Variants in PTPN1 observed in about 807,000 individuals in gnomAD.
The protein encoded by PTPN1 is tyrosine-protein phosphatase non-receptor type 1.
PTPN1 carries 12 observed loss-of-function variants against 59.9 expected under a neutral mutation model. The ratio of observed to expected loss-of-function variants is 0.20; its 90% CI spans 0.13 to 0.32. PTPN1 has a LOEUF of 0.32. Ranked by LOEUF, PTPN1 falls within the 10% of genes least tolerant of loss-of-function variation. PTPN1 has a pLI of 1.00. For missense variants in PTPN1, 356 were observed against 549.2 expected (o/e 0.65, Z 3.52); for synonymous variants, 178 against 203.6 (o/e 0.87, Z 1.07).
At chr20:50,563,945 AAAACT>A (rs1245898190) in intron 2 of PTPN1, among the ~76,000 whole-genome samples, 2 of 152,222 alleles carry the variant, frequency 1.3e-5, no homozygotes, top group Non-Finnish European at 2.9e-5. Flanking sequence ...TTTATTTCTA[AAAACT>A]AAAAGGTAAA....
intron 5 of PTPN1, chr20:50,577,716 C>T (rs943793959): frequency 6.6e-6 from 1 of 152,432 alleles, no homozygotes; most frequent in Admixed American, 6.5e-5. Context: ...AACGTGTCTG[C>T]AGCAGGCTCT....
intron 1 of PTPN1, among the ~76,000 whole-genome samples, chr20:50,523,172 C>A (rs550178836): frequency 5.3e-5 from 8 of 152,152 alleles, no homozygotes; most frequent in Non-Finnish European, 1.0e-4. Context: ...GAGGAATGTT[C>A]CAGATTAGGG....
At chr20:50,560,739 TAAAC>T (rs140324762) in intron 1 of PTPN1, among the ~76,000 whole-genome samples, 13 of 152,172 alleles carry the variant, frequency 8.5e-5, no homozygotes, top group South Asian at 4.1e-4. Context: ...TTTTTAGTAA[TAAAC>T]AATATAAAAT....
chr20:50,561,053 C>G (rs929579266), intron 1 of PTPN1, among the ~76,000 whole-genome samples: 2 of 152,222 alleles, frequency 1.3e-5, no homozygotes, highest in Admixed American at 6.5e-5. Context: ...ACTGCCCACT[C>G]ACTGTTCCTG....
rs762612987 is a variant in PTPN1, at chr20:50,554,725, CTAT to C, written c.64-6633_64-6631del. 3.9e-5 allele frequency among the ~76,000 whole-genome samples: 6 copies of C among 152,130 alleles called. No individual in the cohort carries two copies. In the East Asian group the frequency reaches 1.2e-3, roughly 29 times the overall value. On this transcript the variant is annotated intron_variant, in intron 1 of 9. Coordinates refer to ENST00000371621, the MANE Select transcript of PTPN1 (RefSeq NM_002827.4). ...GTTGTCGTATTTTTGGTAAAATGCACTATTATTTGAAAGTAGACCATCGTGAAT... is the reference window on the plus strand; with the variant it reads ...GTTGTCGTATTTTTGGTAAAATGCACTATTTGAAAGTAGACCATCGTGAAT...
intron 1 of PTPN1, among the ~76,000 whole-genome samples, chr20:50,533,345 A>G (rs2082609581): frequency 6.6e-6 from 1 of 152,064 alleles, no homozygotes; most frequent in South Asian, 2.1e-4. Context: ...TAGTTTTCAG[A>G]TAAGACCTTT....
Position 50,561,520 on chromosome 20 carries a change from C to T in PTPN1, c.154+67C>T, listed in dbSNP as rs575367380. 9 of 981,634 alleles carry T rather than the reference C, an allele frequency of 9.2e-6. No homozygotes were observed. The Admixed American group carries it at 1.4e-4, about 16-fold the overall frequency. The allele number at this position is 981,634 out of a possible 1,614,324, so 60.8% of individuals were successfully genotyped here. The stretch of plus-strand genomic sequence containing the variant: ...GCTGCAGGCCTTTTTAGTCAAGACT[C>T]CTTTCGCCTCAGGGTTTAGTATAAT... On this transcript the variant is annotated intron_variant, in intron 2 of 9. Transcript: ENST00000371621.
At chr20:50,531,837 C>G (rs1037680055) in intron 1 of PTPN1, among the ~76,000 whole-genome samples, 10 of 152,166 alleles carry the variant, frequency 6.6e-5, no homozygotes, top group Admixed American at 5.9e-4. Flanking sequence ...CTCTCCTTAC[C>G]ATCCTCTCCC....
At chr20:50,555,771 CA>C (rs990102117) in intron 1 of PTPN1, among the ~76,000 whole-genome samples, 2 of 150,914 alleles carry the variant, frequency 1.3e-5, no homozygotes, top group African/African-American at 4.9e-5. Context: ...ACACACACAC[CA>C]AAAAAAGTAC....
At chr20:50,519,744 G>C (rs546425022) in intron 1 of PTPN1, among the ~76,000 whole-genome samples, 1 of 152,178 alleles carries the variant, frequency 6.6e-6, no homozygotes, top group African/African-American at 2.4e-5. Flanking sequence ...CAGTGTTTAT[G>C]TGCCAGGGTC....
At chr20:50,518,693 C>G (rs1306121142) in intron 1 of PTPN1, among the ~76,000 whole-genome samples, 2 of 152,088 alleles carry the variant, frequency 1.3e-5, no homozygotes, top group Admixed American at 6.6e-5. Context: ...CTTGACAGCA[C>G]TTTTGAATTA....
At chr20:50,545,878 A>G (rs1490674492) in intron 1 of PTPN1, among the ~76,000 whole-genome samples, 1 of 150,192 alleles carries the variant, frequency 6.7e-6, no homozygotes, top group African/African-American at 2.4e-5. Context: ...AATAGAAACA[A>G]TGAGCCAGGC....
At chr20:50,530,616 C>G (rs765181531) in intron 1 of PTPN1, among the ~76,000 whole-genome samples, 15 of 152,088 alleles carry the variant, frequency 9.9e-5, no homozygotes, top group Non-Finnish European at 1.5e-4. Context: ...CTCGGCCTCC[C>G]AAAGTGCTGG....
chr20:50,562,559 A>G (rs115855224), intron 2 of PTPN1, among the ~76,000 whole-genome samples: 119 of 152,308 alleles, frequency 7.8e-4, no homozygotes, highest in African/African-American at 2.6e-3. Context: ...TGCTTAGCCC[A>G]GCGCCCAGTA....
chr20:50,515,803 G>T (rs1470782052), intron 1 of PTPN1, among the ~76,000 whole-genome samples: 2 of 152,150 alleles, frequency 1.3e-5, no homozygotes, highest in African/African-American at 4.8e-5. Context: ...ACTCTAGGGG[G>T]GCAATGATGG....
chr20:50,537,058 C>T (rs146732238), intron 1 of PTPN1, among the ~76,000 whole-genome samples: 21 of 152,346 alleles, frequency 1.4e-4, no homozygotes, highest in South Asian at 2.1e-4. Flanking sequence ...AGCGCGGTGG[C>T]TCACGCCTGT....
At chr20:50,545,925 C>G (rs1402170544) in intron 1 of PTPN1, among the ~76,000 whole-genome samples, 1 of 151,480 alleles carries the variant, frequency 6.6e-6, no homozygotes, top group East Asian at 1.9e-4. Context: ...GTAGTCTCAG[C>G]TACCCAGTTG....
intron 4 of PTPN1, among the ~76,000 whole-genome samples, chr20:50,570,820 T>C (rs2082804627): frequency 6.6e-6 from 1 of 152,200 alleles, no homozygotes; most frequent in South Asian, 2.1e-4. Flanking sequence ...CCTCCCCAGA[T>C]GTGGCAGTCA....
intron 1 of PTPN1, among the ~76,000 whole-genome samples, chr20:50,527,804 T>G (rs2082583876): frequency 6.6e-6 from 1 of 152,234 alleles, no homozygotes; most frequent in South Asian, 2.1e-4. Context: ...TTTTTTCCTT[T>G]TCTTTTATAT....
Sources: gnomAD v4.1 joint callset for allele counts (sites outside exome capture counted in the v4.1 genomes callset) on GRCh38, gnomAD v4.1.1 for gene constraint, MANE v1.5 for transcripts, NCBI Gene and HGNC (gene_info 2026-07-23, HGNC 2026-07-21) for gene names.